Variants in SMAD3 observed in about 807,000 individuals in gnomAD.
The protein encoded by SMAD3 is SMAD family member 3.
SMAD3 carries 12 observed loss-of-function variants against 51.8 expected under a neutral mutation model. That is an observed-to-expected ratio of 0.23 (90% CI 0.15 to 0.38). The LOEUF is 0.38. Among genes scored for constraint, SMAD3 ranks in the 10% least tolerant of loss-of-function variants. The probability of loss-of-function intolerance (pLI) is 1.00; values close to 1 mark genes in which losing one functional copy is unlikely to be tolerated. For missense variants in SMAD3, 294 were observed against 565.6 expected, an observed-to-expected ratio of 0.52 and a Z score of 4.87; for synonymous variants, 238 against 227.7, an observed-to-expected ratio of 1.05 and a Z score of -0.41.
At chr15:67,157,227 TAAC>T (rs1257133955) in intron 1 of SMAD3, among the ~76,000 whole-genome samples, 2 of 152,276 alleles carry the variant, frequency 1.3e-5, no homozygotes, top group South Asian at 4.1e-4. Flanking sequence ...GTGATAATGT[TAAC>T]AAATTTACTC....
intron 1 of SMAD3, among the ~76,000 whole-genome samples, chr15:67,109,050 G>A (rs1182601518): frequency 3.3e-5 from 5 of 152,142 alleles, no homozygotes; most frequent in Admixed American, 6.5e-5. Flanking sequence ...GTTATTATTC[G>A]TCTTCGTGTC....
intron 1 of SMAD3, among the ~76,000 whole-genome samples, chr15:67,160,070 T>G (rs1962385760): frequency 6.6e-6 from 1 of 152,236 alleles, no homozygotes; most frequent in South Asian, 2.1e-4. Flanking sequence ...TTAAGAAACT[T>G]CCAAATGTTT....
chr15:67,126,919 C>T (rs547251631), intron 1 of SMAD3, among the ~76,000 whole-genome samples: 1 of 152,246 alleles, frequency 6.6e-6, no homozygotes, highest in African/African-American at 2.4e-5. Flanking sequence ...ACCACCCACA[C>T]AGGCACACTC....
At chr15:67,070,746 T>G (rs1482985880) in intron 1 of SMAD3, among the ~76,000 whole-genome samples, 1 of 151,262 alleles carries the variant, frequency 6.6e-6, no homozygotes, top group African/African-American at 2.4e-5. Flanking sequence ...TGTTAGGAAA[T>G]AAAATAATGA....
At chr15:67,184,436 C>A (rs1350197584) in intron 6 of SMAD3, among the ~76,000 whole-genome samples, 8 of 152,156 alleles carry the variant, frequency 5.3e-5, no homozygotes, top group African/African-American at 1.7e-4. Context: ...CAAACGAAGA[C>A]TCAGAGGGTG....
intron 1 of SMAD3, among the ~76,000 whole-genome samples, chr15:67,079,786 C>G (rs970291201): frequency 6.6e-6 from 1 of 152,200 alleles, no homozygotes; most frequent in African/African-American, 2.4e-5. Context: ...TCTCTGAGCT[C>G]TACCCCATAG....
At chr15:67,190,099 AGTAACTG>A (rs1963322127) in intron 8 of SMAD3, among the ~76,000 whole-genome samples, 1 of 152,060 alleles carries the variant, frequency 6.6e-6, no homozygotes, top group South Asian at 2.1e-4. Context: ...GGCCTGTTAC[AGTAACTG>A]GTGGGCCTCT....
chr15:67,181,483 C>A (rs200703402), intron 6 of SMAD3, 30 bp downstream of exon 6: 52 of 1,507,932 alleles, frequency 3.4e-5, no homozygotes, highest in East Asian at 2.7e-4. Flanking sequence ...CCCGCCCCCC[C>A]ACCCTGCCCC....
chr15:67,176,790 G>GT (rs926195133), intron 5 of SMAD3, among the ~76,000 whole-genome samples: 10 of 151,976 alleles, frequency 6.6e-5, no homozygotes, highest in Non-Finnish European at 1.0e-4. Flanking sequence ...GGGGGAGGGG[G>GT]ATCCACAAAG....
intron 1 of SMAD3, chr15:67,138,331 T>C (rs1367325804): frequency 2.0e-6 from 1 of 493,916 alleles, no homozygotes; most frequent in East Asian, 3.4e-5. Context: ...GGGACCCTGC[T>C]CCCCTCCCCT....
At chr15:67,074,650 A>G (rs759910687) in intron 1 of SMAD3, among the ~76,000 whole-genome samples, 1 of 152,036 alleles carries the variant, frequency 6.6e-6, no homozygotes, top group Non-Finnish European at 1.5e-5. Context: ...GGACTCCAGT[A>G]TTGTATTGTA....
chr15:67,128,597 G>T (rs1961446561), intron 1 of SMAD3, among the ~76,000 whole-genome samples: 1 of 151,974 alleles, frequency 6.6e-6, no homozygotes, highest in Non-Finnish European at 1.5e-5. Context: ...AAAGAGCTGG[G>T]GTCTTGCTTT....
intron 1 of SMAD3, among the ~76,000 whole-genome samples, chr15:67,106,351 C>T (rs1960876907): frequency 6.6e-6 from 1 of 152,192 alleles, no homozygotes; most frequent in South Asian, 2.1e-4. Flanking sequence ...TTCCTCAGGG[C>T]CTGTGCACAT....
intron 1 of SMAD3, among the ~76,000 whole-genome samples, chr15:67,071,137 T>C (rs781362532): frequency 1.3e-5 from 2 of 151,978 alleles, no homozygotes; most frequent in Non-Finnish European, 2.9e-5. Context: ...GGAAACACAG[T>C]TAATTCTGTG....
chr15:67,164,427 C>G (rs1293859760), intron 1 of SMAD3, among the ~76,000 whole-genome samples: 2 of 151,536 alleles, frequency 1.3e-5, no homozygotes. Context: ...GGGAGACAGC[C>G]TTTGTACTTT....
Position 67,194,984 on chromosome 15 carries a change from GCCTGA to G in SMAD3, c.*4452_*4456del, listed in dbSNP as rs1963466419. ...GTTGATTACCTTCACTATTCGGCCA[GCCTGA>G]CCTTTTAATAACTTTGTAAAAAGCA... is the stretch of plus-strand genomic sequence containing the variant. On this transcript the variant is annotated 3_prime_UTR_variant, in exon 9 of 9. Transcript: ENST00000327367. 1 of 233,590 alleles carries G rather than the reference GCCTGA, an allele frequency of 4.3e-6. No homozygotes were observed. Among genetic ancestry groups the G allele is most frequent in the Non-Finnish European group, 8.5e-6 (1 of 117,972 alleles). The allele number at this position is 233,590 out of a possible 1,614,324, so 14.5% of individuals were successfully genotyped here.
At chr15:67,088,437 G>C (rs891049055) in intron 1 of SMAD3, among the ~76,000 whole-genome samples, 2 of 152,208 alleles carry the variant, frequency 1.3e-5, no homozygotes, top group Non-Finnish European at 2.9e-5. Context: ...ACGTGGAAGC[G>C]GGGGAGGCAG....
intron 1 of SMAD3, among the ~76,000 whole-genome samples, chr15:67,083,222 C>T (rs1217349444): frequency 6.6e-6 from 1 of 152,260 alleles, no homozygotes; most frequent in Non-Finnish European, 1.5e-5. Flanking sequence ...ACTCATAGAG[C>T]GTCAGCCTGT....
intron 8 of SMAD3, among the ~76,000 whole-genome samples, chr15:67,188,464 G>A (rs747521435): frequency 7.9e-5 from 12 of 152,126 alleles, no homozygotes; most frequent in Non-Finnish European, 1.6e-4. Flanking sequence ...ACATGGCCCT[G>A]ATATAGTCAG....
Sources: allele counts gnomAD v4.1 joint callset (sites outside exome capture counted in the v4.1 genomes callset), GRCh38; gene constraint gnomAD v4.1.1; transcripts MANE v1.5; gene names NCBI Gene and HGNC (gene_info 2026-07-23, HGNC 2026-07-21).